Variants in RBM26 observed in about 807,000 individuals in gnomAD.
RBM26 encodes RNA binding motif protein 26.
A neutral mutation model predicts 123.6 loss-of-function variants in RBM26; 30 were observed. That is an observed-to-expected ratio of 0.24 (90% CI 0.18 to 0.33). The LOEUF is 0.33. RBM26 is among the 10% of genes least tolerant of loss of function. The pLI, the probability that RBM26 is intolerant of heterozygous loss-of-function variation, is 1.00. For synonymous variants in RBM26, 400 were observed against 404.4 expected (o/e 0.99, Z 0.13); for missense variants, 947 against 1,203.6 (o/e 0.79, Z 3.15).
chr13:79,352,540 C>T (rs1484071325), intron 14 of RBM26, among the ~76,000 whole-genome samples: 3 of 150,520 alleles, frequency 2.0e-5, no homozygotes, highest in Non-Finnish European at 4.4e-5. Flanking sequence ...AAATATTTAC[C>T]CCCCTTCATT....
At position 79,330,705 on chromosome 13, in the gene RBM26, AAC is replaced by A. The variant is rs2069156987; in HGVS notation, c.2820+3637_2820+3638del. On this transcript the variant is annotated intron_variant, in intron 20 of 21. Coordinates refer to ENST00000438737, the MANE Select transcript of RBM26 (RefSeq NM_001366735.2). ...ATAGAATGTTAAAGCACGAGTTATG[AAC>A]ACAAATACATATAATTATATAATAT... Among the ~76,000 whole-genome samples the A allele has an allele frequency of 5.3e-5, 8 of 152,168 alleles. No individual in the cohort carries two copies. In the South Asian group the frequency reaches 1.7e-3, roughly 32 times the overall value.
downstream of RBM26, chr13:79,314,932 C>T (rs1210594598): frequency 8.0e-7 from 1 of 1,247,046 alleles, no homozygotes; most frequent in Non-Finnish European, 1.1e-6. Context: ...CGTCTCCAGA[C>T]AGGAACTGGT....
At chr13:79,342,136 T>C (rs1023265389) in intron 17 of RBM26, among the ~76,000 whole-genome samples, 1 of 151,728 alleles carries the variant, frequency 6.6e-6, no homozygotes, top group African/African-American at 2.4e-5. Context: ...TGATGTTGGG[T>C]TTGAATTTAA....
rs1566346651 is a variant in RBM26 at position 79,337,321 on chromosome 13, A to G, written c.2533-19T>C. 4.3e-6 allele frequency: 7 copies of G among 1,613,612 alleles called. No homozygotes were observed. The highest frequency in any genetic ancestry group is 5.9e-6 in the Non-Finnish European group (7 of 1,179,668). On this transcript the variant is annotated intron_variant, in intron 18 of 21. Transcript: ENST00000438737. ...TGGCAGCCTAGAAGAGATTAGACAC[A>G]CAGGTTAAACAATGCTGTGATTACT...
chr13:79,323,592 A>AT (rs1335306966), intron 20 of RBM26, among the ~76,000 whole-genome samples: 2 of 151,586 alleles, frequency 1.3e-5, no homozygotes, highest in African/African-American at 4.8e-5. Flanking sequence ...TTAATGCAAA[A>AT]TACCTACTCA....
chr13:79,377,269 T>C, intron 3 of RBM26, 110 bp downstream of exon 3: 3 of 813,436 alleles, frequency 3.7e-6, no homozygotes, highest in Non-Finnish European at 5.9e-6. Flanking sequence ...TCATTTAAAC[T>C]GGGAGTGGTC....
chr13:79,348,491 T>A (rs996167736), intron 14 of RBM26, among the ~76,000 whole-genome samples: 3 of 152,134 alleles, frequency 2.0e-5, no homozygotes, highest in Non-Finnish European at 2.9e-5. Context: ...AATTAAGTTA[T>A]CCGAGTATGA....
chr13:79,357,420 C>T lies in RBM26; in HGVS notation c.1689+854G>A, dbSNP rs74100214. The stretch of plus-strand genomic sequence containing the variant: ...GGAAAAATTCAACATACTATTTCAA[C>T]ACTTTCACCATATCACATAATATAA... On this transcript the variant is annotated intron_variant, in intron 11 of 21. Coordinates refer to ENST00000438737, the MANE Select transcript of RBM26 (RefSeq NM_001366735.2). Among the ~76,000 whole-genome samples, 1,519 of 152,066 alleles carry T rather than the reference C, an allele frequency of 1.0e-2. 26 individuals carry two copies. The highest frequency in any genetic ancestry group is 0.035 in the African/African-American group (1,454 of 41,474).
chr13:79,365,567 A>C lies in RBM26; in HGVS notation c.1417+11T>G. On this transcript the variant is annotated intron_variant, in intron 9 of 21. Transcript: ENST00000438737. ...ATGAAAATGACAGGAAGGAAAGATTAATTATAGTACCTCTGGGTGGCAAAT... is the reference window on the plus strand; with the variant it reads ...ATGAAAATGACAGGAAGGAAAGATTCATTATAGTACCTCTGGGTGGCAAAT... The C allele has an allele frequency of 6.2e-7, 1 of 1,604,062 alleles. No homozygotes were observed. Among genetic ancestry groups the C allele is most frequent in the East Asian group, 2.2e-5 (1 of 44,816 alleles).
intron 14 of RBM26, among the ~76,000 whole-genome samples, chr13:79,349,185 G>A (rs375240111): frequency 3.8e-4 from 58 of 152,022 alleles, no homozygotes; most frequent in African/African-American, 1.3e-3. Context: ...TTTGTATTAC[G>A]TCACTTTTTT....
At chr13:79,371,602 C>T (rs951402392) in intron 4 of RBM26, among the ~76,000 whole-genome samples, 1 of 151,798 alleles carries the variant, frequency 6.6e-6, no homozygotes, top group African/African-American at 2.4e-5. Flanking sequence ...CTACTGGAAT[C>T]TGAAGTTAGG....
intron 18 of RBM26, among the ~76,000 whole-genome samples, chr13:79,340,209 A>G (rs1238625383): frequency 6.6e-6 from 1 of 152,016 alleles, no homozygotes; most frequent in Non-Finnish European, 1.5e-5. Flanking sequence ...ACATGCAACC[A>G]CATCAAGTTT....
chr13:79,385,424 ACTT>A (rs1326616875), intron 1 of RBM26, among the ~76,000 whole-genome samples: 4 of 152,184 alleles, frequency 2.6e-5, no homozygotes, highest in African/African-American at 9.7e-5. Context: ...ATCTATTAAT[ACTT>A]CTTCATCACT....
intron 9 of RBM26, among the ~76,000 whole-genome samples, chr13:79,360,209 T>C (rs1355367072): frequency 2.6e-5 from 4 of 152,122 alleles, no homozygotes; most frequent in African/African-American, 9.7e-5. Flanking sequence ...ATCACAGGTG[T>C]GACTGTATAG....
chr13:79,343,189 G>A (rs1157501058), intron 16 of RBM26, among the ~76,000 whole-genome samples: 2 of 151,710 alleles, frequency 1.3e-5, no homozygotes, highest in Non-Finnish European at 3.0e-5. Context: ...TTGATGTTAC[G>A]CCTCTAAGTA....
At chr13:79,359,477 A>T (rs2074409784) in intron 10 of RBM26, 98 bp downstream of exon 10, 1 of 635,594 alleles carries the variant, frequency 1.6e-6, no homozygotes, top group Admixed American at 3.0e-5. Context: ...ACAGAGTAAC[A>T]TTTTTGGAAG....
intron 1 of RBM26, among the ~76,000 whole-genome samples, chr13:79,379,365 C>A (rs12871970): frequency 9.5e-6 from 1 of 104,868 alleles, no homozygotes. Flanking sequence ...GAAACCCAGT[C>A]TCTACCAAAA....
chr13:79,327,178 C>A (rs1410350934), intron 20 of RBM26, among the ~76,000 whole-genome samples: 1 of 151,662 alleles, frequency 6.6e-6, no homozygotes, highest in East Asian at 1.9e-4. Context: ...TGCCTATAGT[C>A]CCAGCTACTT....
intron 5 of RBM26, among the ~76,000 whole-genome samples, chr13:79,370,059 C>T (rs2075722405): frequency 6.6e-6 from 1 of 152,150 alleles, no homozygotes; most frequent in African/African-American, 2.4e-5. Context: ...CCTATAATCC[C>T]AGCACTTTGG....
Sources: allele counts gnomAD v4.1 joint callset (sites outside exome capture counted in the v4.1 genomes callset), GRCh38; gene constraint gnomAD v4.1.1; transcripts MANE v1.5; gene names NCBI Gene and HGNC (gene_info 2026-07-23, HGNC 2026-07-21).